Variants in UNC80 observed in about 807,000 individuals in gnomAD.
The protein encoded by UNC80 is protein unc-80 homolog.
A neutral mutation model predicts 384.6 loss-of-function variants in UNC80; 164 were observed. The observed-to-expected ratio is 0.43, with a 90% CI of 0.38 to 0.49. The LOEUF (loss-of-function observed/expected upper bound fraction) is 0.49. Among genes scored for constraint, UNC80 ranks in the 20% least tolerant of loss-of-function variants. UNC80 has a pLI of 0.00. For synonymous variants in UNC80, 1,486 were observed against 1,527.8 expected, an observed-to-expected ratio of 0.97 and a Z score of 0.64; for missense variants, 3,330 against 4,143.0, an observed-to-expected ratio of 0.80 and a Z score of 5.39.
chr2:209,822,979 G>A (rs1014432435), intron 13 of UNC80, among the ~76,000 whole-genome samples: 2 of 152,056 alleles, frequency 1.3e-5, no homozygotes, highest in African/African-American at 4.8e-5. Context: ...AAACCTGATG[G>A]TGGGTCAAAT....
At chr2:209,950,159 T>G (rs1331688454) in intron 47 of UNC80, among the ~76,000 whole-genome samples, 3 of 152,114 alleles carry the variant, frequency 2.0e-5, no homozygotes, top group African/African-American at 7.2e-5. Context: ...TCCCAAAATA[T>G]TGAGTAGAAT....
intron 7 of UNC80, among the ~76,000 whole-genome samples, chr2:209,797,980 A>G (rs1311235137): frequency 6.6e-6 from 1 of 152,092 alleles, no homozygotes; most frequent in Admixed American, 6.5e-5. Context: ...GACTGTTCAT[A>G]TCCTTTGCCC....
chr2:209,871,203 C>A (rs994470656), intron 22 of UNC80, among the ~76,000 whole-genome samples: 2 of 152,174 alleles, frequency 1.3e-5, no homozygotes, highest in Admixed American at 1.3e-4. Flanking sequence ...TTTCTACTTG[C>A]ACTCTACAAA....
intron 25 of UNC80, among the ~76,000 whole-genome samples, chr2:209,885,429 G>A (rs1179318921): frequency 2.0e-5 from 3 of 152,098 alleles, no homozygotes; most frequent in African/African-American, 4.8e-5. Context: ...CGTAGGATTT[G>A]GACAAGCAGA....
At chr2:209,799,721 T>G (rs944947437) in intron 7 of UNC80, among the ~76,000 whole-genome samples, 9 of 152,176 alleles carry the variant, frequency 5.9e-5, no homozygotes, top group Admixed American at 3.9e-4. Context: ...CATAAACAGC[T>G]CTTATTATTT....
At chr2:209,894,116 G>A (rs2086596508) in intron 26 of UNC80, 47 bp from the exon 27 acceptor site, 2 of 978,522 alleles carry the variant, frequency 2.0e-6, no homozygotes, top group South Asian at 4.7e-5. Flanking sequence ...AACACTGGCT[G>A]GGGAACACTA....
At chr2:209,893,635 C>T (rs1042447933) in intron 26 of UNC80, among the ~76,000 whole-genome samples, 2 of 152,006 alleles carry the variant, frequency 1.3e-5, no homozygotes, top group African/African-American at 4.8e-5. Flanking sequence ...TCATGCTCAC[C>T]CAAAGCACCC....
chr2:209,881,625 GCA>G lies in UNC80; in HGVS notation c.4110+556_4110+557del, dbSNP rs113873662. ...GAAATAAGACCATGCATGTGTGCAT[GCA>G]CACACACACACACACACACACACAT... On this transcript the variant is annotated intron_variant, in intron 25 of 64. Transcript: ENST00000673920. Among the ~76,000 whole-genome samples, 602 of 145,920 alleles carry G rather than the reference GCA, an allele frequency of 4.1e-3. 1 individual carries two copies. Among genetic ancestry groups the G allele is most frequent in the Non-Finnish European group, 4.1e-3 (270 of 65,902 alleles).
rs1336013617 is a variant in UNC80, at chr2:209,913,935, C to A, written c.5024C>A (p.Ala1675Glu). The A allele has an allele frequency of 1.9e-6, 3 of 1,546,376 alleles. No individual in the cohort carries two copies. The East Asian group carries it at 7.3e-5, about 38-fold the overall frequency. ...AGCATGGATGAGCACATGGCAGGGGCAGCAGGTAAAGAAAGACCACCTGGA... is the reference window on the plus strand; with the variant it reads ...AGCATGGATGAGCACATGGCAGGGGAAGCAGGTAAAGAAAGACCACCTGGA... Reference protein sequence around the residue: ...LLSMDEHMAGAAAAMFLLCAV... With the variant: ...LLSMDEHMAGEAAAMFLLCAV... The change falls in exon 31 of 65, where the codon GCA becomes GAA. Residue 1675 changes from alanine (A) to glutamate (E), a missense_variant. Around this residue, in one of 8 missense-constraint regions of UNC80, gnomAD observed 801 missense variants for 950.8 expected, o/e 0.84. Transcript: ENST00000673920.
intron 7 of UNC80, chr2:209,809,616 C>G: frequency 1.5e-6 from 1 of 662,160 alleles, no homozygotes; most frequent in Non-Finnish European, 2.6e-6. Flanking sequence ...CTACCAGACA[C>G]CCTGCCCCCG....
chr2:209,804,758 TTTTTGTTTTGTTTTG>T (rs1298291785), intron 7 of UNC80, among the ~76,000 whole-genome samples: 6 of 47,230 alleles, frequency 1.3e-4, no homozygotes, highest in Non-Finnish European at 1.6e-4. Flanking sequence ...GAGAGTTTTT[TTTTTGTTTTGTTTTG>T]TTTTTTTTTT....
chr2:209,849,169 C>T (rs1205687066), intron 21 of UNC80, among the ~76,000 whole-genome samples: 1 of 152,104 alleles, frequency 6.6e-6, no homozygotes, highest in African/African-American at 2.4e-5. Context: ...AAAGCTCTTA[C>T]TAGTATTCAA....
chr2:209,774,735 A>G (rs2153824493), intron 2 of UNC80, among the ~76,000 whole-genome samples: 1 of 152,294 alleles, frequency 6.6e-6, no homozygotes, highest in Non-Finnish European at 1.5e-5. Flanking sequence ...ATTTGTATTT[A>G]TATCACCAAC....
intron 58 of UNC80, 82 bp from the exon 59 acceptor site, chr2:209,978,447 A>C: frequency 8.1e-7 from 1 of 1,238,744 alleles, no homozygotes. Flanking sequence ...TTTCCTAAAA[A>C]ATACAAGTGG....
intron 7 of UNC80, among the ~76,000 whole-genome samples, chr2:209,805,734 C>T (rs2078854093): frequency 6.6e-6 from 1 of 151,934 alleles, no homozygotes; most frequent in African/African-American, 2.4e-5. Flanking sequence ...TCTTCTATAA[C>T]CTAATCTTTT....
Position 209,820,523 on chromosome 2 carries a change from C to T in UNC80, c.2175C>T (p.Ser725=). The change falls in exon 13 of 65, where the codon TCC becomes TCT. Residue 725 remains serine (S), a synonymous_variant. Transcript: ENST00000673920. ...AATTCAAAGGAGTATCTGGAAGTTC[C>T]ACCTGTGGATTCGGAGGCCCTGCTG... is the stretch of plus-strand genomic sequence containing the variant. ...AFQFKGVSGS[S]TCGFGGPAVS... 6.4e-7 allele frequency: 1 copy of T among 1,551,010 alleles called. No homozygotes were observed. The highest frequency in any genetic ancestry group is 1.2e-5 in the South Asian group (1 of 84,008).
chr2:209,981,531 C>T (rs889836800), intron 59 of UNC80, among the ~76,000 whole-genome samples: 4 of 152,188 alleles, frequency 2.6e-5, no homozygotes, highest in Non-Finnish European at 4.4e-5. Flanking sequence ...GAGCCAAGAT[C>T]GCGCCAATGC....
intron 1 of UNC80, 49 bp downstream of exon 1, chr2:209,772,213 TC>T: frequency 8.3e-7 from 1 of 1,203,094 alleles, no homozygotes; most frequent in Non-Finnish European, 1.1e-6. Flanking sequence ...CTGGGGGCGC[TC>T]CTGGGGCCGC....
intron 14 of UNC80, among the ~76,000 whole-genome samples, chr2:209,827,636 A>G (rs1373869215): frequency 2.0e-5 from 3 of 152,164 alleles, no homozygotes; most frequent in African/African-American, 7.2e-5. Flanking sequence ...TTAGTTCAGT[A>G]AACACATTGT....
Sources: allele counts gnomAD v4.1 joint callset (sites outside exome capture counted in the v4.1 genomes callset), GRCh38; gene constraint gnomAD v4.1.1; regional missense constraint gnomAD v4.1.1; transcripts MANE v1.5; gene names NCBI Gene and HGNC (gene_info 2026-07-23, HGNC 2026-07-21).